BICRAL: variants seen among roughly 807,000 people sequenced by gnomAD.
The protein encoded by BICRAL is BRD4-interacting chromatin-remodeling complex-associated protein-like.
In BICRAL, 8 loss-of-function variants were observed where a neutral mutation model predicts 91.8. The observed-to-expected ratio is 0.09, with a 90% CI of 0.05 to 0.16. BICRAL has a LOEUF of 0.16. BICRAL is among the 10% of genes least tolerant of loss of function. BICRAL has a pLI of 1.00. For missense variants in BICRAL, 1,038 were observed against 1,310.9 expected (o/e 0.79, Z 3.21); for synonymous variants, 445 against 491.1 (o/e 0.91, Z 1.24).
At chr6:42,836,575 G>A (rs1408217806) in intron 6 of BICRAL, among the ~76,000 whole-genome samples, 14 of 151,450 alleles carry the variant, frequency 9.2e-5, no homozygotes, top group Middle Eastern at 7.0e-3. Flanking sequence ...TTAAATTCCC[G>A]GGACACCCAG....
At chr6:42,839,710 G>T (rs562196210) in intron 6 of BICRAL, among the ~76,000 whole-genome samples, 5 of 152,096 alleles carry the variant, frequency 3.3e-5, no homozygotes, top group African/African-American at 1.2e-4. Context: ...TATTATTTCT[G>T]TATTTAATAT....
At chr6:42,825,604 G>A (rs763488144) in intron 5 of BICRAL, among the ~76,000 whole-genome samples, 13 of 151,722 alleles carry the variant, frequency 8.6e-5, no homozygotes, top group African/African-American at 1.4e-4. Context: ...ATGGTGGTGC[G>A]TGCCTATAGT....
chr6:42,786,194 G>A (rs957882464), intron 1 of BICRAL, among the ~76,000 whole-genome samples: 2 of 152,194 alleles, frequency 1.3e-5, no homozygotes, highest in African/African-American at 4.8e-5. Context: ...TTCTCAAATC[G>A]TTGTGTTTAG....
intron 6 of BICRAL, among the ~76,000 whole-genome samples, chr6:42,832,409 G>A (rs1417317077): frequency 2.7e-5 from 4 of 145,830 alleles, no homozygotes; most frequent in African/African-American, 1.0e-4. Flanking sequence ...ACATATATAT[G>A]TATATATATA....
chr6:42,773,160 C>T (rs1020937124), intron 1 of BICRAL, among the ~76,000 whole-genome samples: 2 of 151,386 alleles, frequency 1.3e-5, no homozygotes, highest in Non-Finnish European at 2.9e-5. Flanking sequence ...CTCACTGCAA[C>T]TTCTGCCTCC....
In BICRAL at chr6:42,793,296, A is replaced by ATTTTT. The variant is rs35332872; in HGVS notation, c.-102+11220_-102+11224dup. 8.7e-3 allele frequency among the ~76,000 whole-genome samples: 200 copies of ATTTTT among 22,970 alleles called. 16 individuals carry two copies. The highest frequency in any genetic ancestry group is 0.019 in the African/African-American group (97 of 5,230). The allele number at this position is 22,970 out of a possible 152,430, so 15.1% of individuals were successfully genotyped here. On this transcript the variant is annotated intron_variant, in intron 1 of 12. Transcript: ENST00000314073. ...GTAGCTGGGATTACAGACCCAGCTA[A>ATTTTT]TTTTTTTTTTTTTTTTTTTTTTTTT...
At chr6:42,814,519 A>ATATATATATATATATATTT (rs1237976324) in intron 2 of BICRAL, among the ~76,000 whole-genome samples, 1 of 80,236 alleles carries the variant, frequency 1.2e-5, no homozygotes, top group African/African-American at 6.6e-5. Context: ...ATATATATAT[A>ATATATATATATATATATTT]TTTTTTTTTT....
intron 10 of BICRAL, 34 bp from the exon 11 acceptor site, chr6:42,860,228 C>T: frequency 8.6e-7 from 1 of 1,158,176 alleles, no homozygotes; most frequent in Non-Finnish European, 1.3e-6. Context: ...GATTTACAGT[C>T]TCTCACTATT....
At chr6:42,804,653 G>T (rs1351805543) in intron 1 of BICRAL, among the ~76,000 whole-genome samples, 2 of 152,112 alleles carry the variant, frequency 1.3e-5, no homozygotes, top group African/African-American at 4.8e-5. Flanking sequence ...TGGTCAAGGT[G>T]GCAAAGAACT....
chr6:42,814,519 A>ATATATAT (rs1237976324), intron 2 of BICRAL, among the ~76,000 whole-genome samples: 50 of 80,224 alleles, frequency 6.2e-4, no homozygotes, highest in African/African-American at 3.1e-3. Flanking sequence ...ATATATATAT[A>ATATATAT]TTTTTTTTTT....
Position 42,829,736 on chromosome 6 carries a change from C to T in BICRAL, c.1403C>T (p.Thr468Ile). 2 of 1,614,122 alleles carry T rather than the reference C, an allele frequency of 1.2e-6. No homozygotes were observed. Among genetic ancestry groups the T allele is most frequent in the Non-Finnish European group, 1.7e-6 (2 of 1,179,956 alleles). Residue 468 changes from threonine (T) to isoleucine (I), a missense_variant, in exon 6 of 13, where the codon ACT becomes ATT. Around this residue, in one of 5 missense-constraint regions of BICRAL, gnomAD observed 532 missense variants for 724.9 expected, o/e 0.73. Coordinates refer to ENST00000314073, the MANE Select transcript of BICRAL (RefSeq NM_001393499.1). ...YTGPMLNNQN[T>I]AVHLVSGQTF... is the part of the protein sequence containing the mutation. ...GGACCGATGCTTAACAACCAGAATACTGCTGTCCACTTAGTGTCTGGGCAG... is the reference window on the plus strand; with the variant it reads ...GGACCGATGCTTAACAACCAGAATATTGCTGTCCACTTAGTGTCTGGGCAG...
intron 1 of BICRAL, among the ~76,000 whole-genome samples, chr6:42,752,709 T>G (rs1483310384): frequency 6.6e-6 from 1 of 151,968 alleles, no homozygotes; most frequent in Non-Finnish European, 1.5e-5. Flanking sequence ...GTTCAAGCAA[T>G]TATCCTGCCC....
At chr6:42,807,309 G>A (rs1436319297) in intron 1 of BICRAL, among the ~76,000 whole-genome samples, 2 of 151,456 alleles carry the variant, frequency 1.3e-5, no homozygotes, top group Middle Eastern at 3.4e-3. Flanking sequence ...TCAGCCTCCC[G>A]AGTAGCTGCG....
At chr6:42,809,589 C>G (rs1476977328) in intron 1 of BICRAL, among the ~76,000 whole-genome samples, 3 of 151,524 alleles carry the variant, frequency 2.0e-5, no homozygotes, top group African/African-American at 7.3e-5. Context: ...ATTCTCCTGC[C>G]TCAGCCTCCC....
At chr6:42,806,478 C>G (rs1459264495) in intron 1 of BICRAL, among the ~76,000 whole-genome samples, 2 of 151,948 alleles carry the variant, frequency 1.3e-5, no homozygotes, top group African/African-American at 4.8e-5. Flanking sequence ...TCCCCAGTAG[C>G]TGGGACCACA....
chr6:42,784,633 A>G (rs1287934081), intron 1 of BICRAL, among the ~76,000 whole-genome samples: 2 of 152,250 alleles, frequency 1.3e-5, no homozygotes, highest in Non-Finnish European at 2.9e-5. Flanking sequence ...TCATAGAAGT[A>G]TAGTAATTGT....
chr6:42,823,976 A>C (rs941981596), intron 5 of BICRAL, among the ~76,000 whole-genome samples: 6 of 138,732 alleles, frequency 4.3e-5, no homozygotes, highest in African/African-American at 1.6e-4. Context: ...GGTGGCTCAC[A>C]CCTGTAATCC....
upstream of BICRAL, among the ~76,000 whole-genome samples, chr6:42,780,585 A>G (rs1447346906): frequency 3.9e-5 from 6 of 152,178 alleles, no homozygotes; most frequent in African/African-American, 1.4e-4. Context: ...TAAAACCTGA[A>G]TTACATTCTG....
intron 2 of BICRAL, among the ~76,000 whole-genome samples, chr6:42,820,231 T>C (rs1764102173): frequency 6.6e-6 from 1 of 152,108 alleles, no homozygotes; most frequent in African/African-American, 2.4e-5. Context: ...TGGAAGTGTT[T>C]TTCTTTGGTA....
Sources: gnomAD v4.1 joint callset for allele counts (sites outside exome capture counted in the v4.1 genomes callset) on GRCh38, gnomAD v4.1.1 for gene constraint, gnomAD v4.1.1 regional missense constraint, MANE v1.5 for transcripts, NCBI Gene and HGNC (gene_info 2026-07-23, HGNC 2026-07-21) for gene names.